C10orf90: variants seen among roughly 807,000 people sequenced by gnomAD.
C10orf90 encodes (E2-independent) E3 ubiquitin-conjugating enzyme FATS.
A neutral mutation model predicts 62.5 loss-of-function variants in C10orf90; 56 were observed. That is an observed-to-expected ratio of 0.90 (90% confidence interval 0.72 to 1.12). C10orf90 has a LOEUF of 1.12. Among genes scored for constraint, C10orf90 ranks in the 50% most tolerant of loss-of-function variants. C10orf90 has a pLI of 0.00. For synonymous variants in C10orf90, 386 were observed against 340.4 expected (o/e 1.13, Z -1.47); for missense variants, 970 against 880.4 (o/e 1.10, Z -1.29).
At chr10:126,628,980 G>A (rs531285726) in intron 2 of C10orf90, among the ~76,000 whole-genome samples, 27 of 152,206 alleles carry the variant, frequency 1.8e-4, no homozygotes, top group Non-Finnish European at 3.5e-4. Context: ...GGCCTTTAAA[G>A]AGATCTCTGC....
chr10:126,540,233 A>G (rs1864342345), intron 2 of C10orf90, among the ~76,000 whole-genome samples: 1 of 152,232 alleles, frequency 6.6e-6, no homozygotes, highest in Admixed American at 6.5e-5. Context: ...GAATGAGAAG[A>G]CTTAACATCT....
At chr10:126,514,076 T>G (rs1420502225) in intron 2 of C10orf90, 137 bp from the exon 3 acceptor site, 2 of 618,878 alleles carry the variant, frequency 3.2e-6, no homozygotes, top group African/African-American at 3.7e-5. Flanking sequence ...AGTCTAACCA[T>G]GACAAAACCT....
chr10:126,428,318 A>G (rs968949591), intron 8 of C10orf90, among the ~76,000 whole-genome samples: 6 of 152,026 alleles, frequency 3.9e-5, no homozygotes, highest in Admixed American at 1.3e-4. Context: ...CAGGGAGGGG[A>G]ACTGCTGGTC....
At chr10:126,601,244 G>T (rs1361637939) in intron 2 of C10orf90, among the ~76,000 whole-genome samples, 1 of 152,226 alleles carries the variant, frequency 6.6e-6, no homozygotes, top group Non-Finnish European at 1.5e-5. Context: ...CAGCACATGT[G>T]TGGGATGAAC....
chr10:126,455,446 A>C (rs1176969905), intron 7 of C10orf90, among the ~76,000 whole-genome samples: 1 of 152,136 alleles, frequency 6.6e-6, no homozygotes, highest in African/African-American at 2.4e-5. Flanking sequence ...CACTCTGAGA[A>C]TCCTATGACC....
chr10:126,430,715 A>G (rs1412290572), intron 7 of C10orf90, among the ~76,000 whole-genome samples: 1 of 152,218 alleles, frequency 6.6e-6, no homozygotes, highest in Non-Finnish European at 1.5e-5. Context: ...CAGCAGAAGC[A>G]GACAGGCAAC....
intron 4 of C10orf90, among the ~76,000 whole-genome samples, chr10:126,476,395 C>T (rs1309931058): frequency 2.6e-5 from 4 of 152,178 alleles, no homozygotes; most frequent in Non-Finnish European, 5.9e-5. Flanking sequence ...GGAGACAGTC[C>T]CTAGGGCCTC....
chr10:126,612,818 A>G (rs767694346), intron 2 of C10orf90, among the ~76,000 whole-genome samples: 1 of 152,194 alleles, frequency 6.6e-6, no homozygotes, highest in Non-Finnish European at 1.5e-5. Context: ...ACGTGTTTCT[A>G]AAAAAAGAAG....
intron 2 of C10orf90, among the ~76,000 whole-genome samples, chr10:126,611,003 A>G (rs1845421029): frequency 6.6e-6 from 1 of 152,072 alleles, no homozygotes; most frequent in Non-Finnish European, 1.5e-5. Flanking sequence ...TTGTTATGCA[A>G]CACAATTCAC....
rs1320700898 is a variant in C10orf90, at chr10:126,461,455, C to T, written c.1956G>A (p.Leu652=). 3 of 1,614,066 alleles carry T rather than the reference C, an allele frequency of 1.9e-6. No homozygotes were observed. Among genetic ancestry groups the T allele is most frequent in the South Asian group, 1.1e-5 (1 of 91,084 alleles). ...APRDGAGSPG[L]SEDCSESQQT... ...GCTGAGACTCAGAACAGTCTTCGGACAGGCCAGGGCTCCCTGCTCCATCGC... is the reference window on the plus strand; with the variant it reads ...GCTGAGACTCAGAACAGTCTTCGGATAGGCCAGGGCTCCCTGCTCCATCGC... Residue 652 remains leucine (L), a synonymous_variant, in exon 6 of 10, where the codon CTG becomes CTA. Coordinates refer to ENST00000488181, the MANE Select transcript of C10orf90 (RefSeq NM_001350921.2).
rs540754519 is a variant in C10orf90, at chr10:126,538,241, C to T, written c.314-24302G>A. ...AGATCTTATGAGACTTACTAACTGT[C>T]ATGAGAACAGCATGGGAAAGACCCA... is the stretch of plus-strand genomic sequence containing the variant. On this transcript the variant is annotated intron_variant, in intron 2 of 9. Coordinates refer to ENST00000488181, the MANE Select transcript of C10orf90 (RefSeq NM_001350921.2). 1.1e-4 allele frequency among the ~76,000 whole-genome samples: 16 copies of T among 152,274 alleles called. No individual in the cohort carries two copies. In the East Asian group the frequency reaches 2.9e-3, roughly 28 times the overall value.
At chr10:126,598,021 A>T (rs1845120312) in intron 2 of C10orf90, among the ~76,000 whole-genome samples, 1 of 152,184 alleles carries the variant, frequency 6.6e-6, no homozygotes, top group African/African-American at 2.4e-5. Flanking sequence ...ATATCATAAG[A>T]CCTGGCCAAA....
chr10:126,622,743 T>A (rs946968323), intron 2 of C10orf90, among the ~76,000 whole-genome samples: 3 of 152,224 alleles, frequency 2.0e-5, no homozygotes, highest in African/African-American at 4.8e-5. Context: ...TCACTAGGCA[T>A]AGCCAGGATG....
chr10:126,436,747 G>A (rs1035473919), intron 7 of C10orf90, among the ~76,000 whole-genome samples: 3 of 152,218 alleles, frequency 2.0e-5, no homozygotes, highest in African/African-American at 4.8e-5. Context: ...CTGCAGCCTC[G>A]ACCTCTCAGG....
At chr10:126,563,611 T>A (rs1257349101) in intron 2 of C10orf90, among the ~76,000 whole-genome samples, 1 of 152,216 alleles carries the variant, frequency 6.6e-6, no homozygotes, top group East Asian at 1.9e-4. Flanking sequence ...TCCACATTGA[T>A]GGCTGTGATA....
intron 7 of C10orf90, among the ~76,000 whole-genome samples, chr10:126,430,605 G>A (rs1341499417): frequency 6.6e-6 from 1 of 152,122 alleles, no homozygotes; most frequent in East Asian, 1.9e-4. Context: ...ATTAATAAAG[G>A]GTCTGGCATA....
chr10:126,530,358 AAAACAC>A (rs1285879465), intron 2 of C10orf90, among the ~76,000 whole-genome samples: 1 of 152,152 alleles, frequency 6.6e-6, no homozygotes, highest in African/African-American at 2.4e-5. Flanking sequence ...AAAAAAATTT[AAAACAC>A]ACAGAAATTT....
At chr10:126,579,870 A>C (rs780132379) in intron 2 of C10orf90, among the ~76,000 whole-genome samples, 6 of 152,108 alleles carry the variant, frequency 3.9e-5, no homozygotes, top group Non-Finnish European at 7.4e-5. Flanking sequence ...CAGTGCAAGG[A>C]TTATTATCAT....
intron 2 of C10orf90, among the ~76,000 whole-genome samples, chr10:126,645,293 T>A (rs900695135): frequency 7.1e-6 from 1 of 141,524 alleles, no homozygotes; most frequent in African/African-American, 2.7e-5. Context: ...GGAGGCTGGG[T>A]GCAGTGGCTC....
Sources: allele counts gnomAD v4.1 joint callset (sites outside exome capture counted in the v4.1 genomes callset), GRCh38; gene constraint gnomAD v4.1.1; transcripts MANE v1.5; gene names NCBI Gene and HGNC (gene_info 2026-07-23, HGNC 2026-07-21).